NNMT: variants seen among roughly 807,000 people sequenced by gnomAD.
NNMT encodes nicotinamide N-methyltransferase.
NNMT carries 10 observed loss-of-function variants against 11.7 expected under a neutral mutation model. The observed-to-expected ratio is 0.85, with a 90% CI of 0.53 to 1.45. The LOEUF (loss-of-function observed/expected upper bound fraction) is 1.45. NNMT is among the 40% of genes most tolerant of loss of function. NNMT has a pLI of 0.00. For missense variants in NNMT, 381 were observed against 319.4 expected, an observed-to-expected ratio of 1.19 and a Z score of -1.47; for synonymous variants, 143 against 133.8, an observed-to-expected ratio of 1.07 and a Z score of -0.48.
intron 2 of NNMT, among the ~76,000 whole-genome samples, chr11:114,268,337 A>G (rs770036815): frequency 7.9e-5 from 12 of 152,166 alleles, no homozygotes; most frequent in Admixed American, 1.3e-4. Flanking sequence ...GAACATCTGT[A>G]CAGTCCTCCC....
intron 2 of NNMT, among the ~76,000 whole-genome samples, chr11:114,309,057 T>C (rs1445154234): frequency 6.6e-6 from 1 of 152,176 alleles, no homozygotes; most frequent in Admixed American, 6.5e-5. Context: ...TCTGTTGGAA[T>C]CAAACACACA....
intron 1 of NNMT, among the ~76,000 whole-genome samples, chr11:114,262,345 G>A (rs796354631): frequency 5.3e-5 from 8 of 152,152 alleles, no homozygotes; most frequent in African/African-American, 1.9e-4. Context: ...TCTTCCTCAT[G>A]CTCTCCCTTT....
At chr11:114,276,709 G>C (rs573192415) in intron 2 of NNMT, among the ~76,000 whole-genome samples, 5 of 152,294 alleles carry the variant, frequency 3.3e-5, no homozygotes, top group African/African-American at 9.6e-5. Context: ...AGCCCCCCAT[G>C]ATCTCCTAGT....
At chr11:114,271,031 C>A (rs1945165118) in intron 2 of NNMT, among the ~76,000 whole-genome samples, 1 of 152,148 alleles carries the variant, frequency 6.6e-6, no homozygotes, top group Admixed American at 6.5e-5. Context: ...CCTGCCTCAG[C>A]CTTCCAAAGT....
chr11:114,272,336 T>C (rs963318362), intron 2 of NNMT, among the ~76,000 whole-genome samples: 1 of 152,190 alleles, frequency 6.6e-6, no homozygotes, highest in Non-Finnish European at 1.5e-5. Context: ...CTCATCTCCT[T>C]CAACCTTGCA....
At chr11:114,300,403 T>C (rs1945426932) in intron 2 of NNMT, among the ~76,000 whole-genome samples, 1 of 152,216 alleles carries the variant, frequency 6.6e-6, no homozygotes, top group Non-Finnish European at 1.5e-5. Context: ...AATTAAATTT[T>C]GTTGTAGTCA....
chr11:114,258,865 C>T (rs189814009), intron 1 of NNMT, among the ~76,000 whole-genome samples: 9 of 151,632 alleles, frequency 5.9e-5, no homozygotes, highest in Middle Eastern at 3.4e-3. Flanking sequence ...AGCTCCATTC[C>T]CCTGTGGGCC....
rs146730104 is a variant in NNMT, at chr11:114,296,744, G to C, written c.154+34G>C. 8,757 of 1,609,964 alleles carry C rather than the reference G, an allele frequency of 5.4e-3. 104 individuals carry two copies. The highest frequency in any genetic ancestry group is 0.032 in the South Asian group (2,933 of 90,762). ...GTTGTCTGCATGTCTCCCCACTAAT[G>C]TGAGTCATATAGATGGAGTCTCAGG... On this transcript the variant is annotated intron_variant, in intron 1 of 2. Transcript: ENST00000299964.
Position 114,312,347 on chromosome 11 carries a change from A to C in NNMT, c.665A>C (p.Glu222Ala). Residue 222 changes from glutamate (E) to alanine (A), a missense_variant, in exon 3 of 3, where the codon GAG becomes GCG. By Grantham distance (107) the Glu-to-Ala change is moderately radical. Transcript: ENST00000299964. Reference protein sequence around the residue: ...SSLPLGREAVEAAVKEAGYTI... With the variant: ...SSLPLGREAVAAAVKEAGYTI... ...CTCCCCCTGGGCCGGGAGGCAGTAG[A>C]GGCTGCTGTGAAAGAGGCTGGCTAC... The C allele has an allele frequency of 6.2e-7, 1 of 1,614,232 alleles. No individual in the cohort carries two copies. The highest frequency in any genetic ancestry group is 8.5e-7 in the Non-Finnish European group (1 of 1,180,028).
intron 1 of NNMT, among the ~76,000 whole-genome samples, chr11:114,259,195 AAG>A (rs1313814625): frequency 6.6e-6 from 1 of 152,214 alleles, no homozygotes; most frequent in Non-Finnish European, 1.5e-5. Flanking sequence ...AGATGAAAGA[AAG>A]AGAGGGAGAA....
At chr11:114,292,111 AT>A (rs1159340137), upstream of NNMT, among the ~76,000 whole-genome samples, 2 of 151,826 alleles carry the variant, frequency 1.3e-5, no homozygotes, top group Non-Finnish European at 2.9e-5. Flanking sequence ...CCTCTGTTAC[AT>A]TTTGGATAAT....
intron 2 of NNMT, among the ~76,000 whole-genome samples, chr11:114,299,187 C>T (rs1945413717): frequency 6.6e-6 from 1 of 152,146 alleles, no homozygotes; most frequent in South Asian, 2.1e-4. Context: ...TGACAGCAGA[C>T]CTCTGTGCCT....
chr11:114,291,776 A>C (rs556945102), upstream of NNMT, among the ~76,000 whole-genome samples: 2 of 152,012 alleles, frequency 1.3e-5, no homozygotes, highest in East Asian at 3.9e-4. Context: ...GAGTTTCTGC[A>C]TTTGCCACCT....
At chr11:114,280,649 G>A (rs1374820570) in intron 2 of NNMT, among the ~76,000 whole-genome samples, 1 of 152,154 alleles carries the variant, frequency 6.6e-6, no homozygotes, top group Non-Finnish European at 1.5e-5. Flanking sequence ...GACAAGGCAG[G>A]TCATCCTGCT....
chr11:114,288,618 G>C (rs1047389328), intron 2 of NNMT, among the ~76,000 whole-genome samples: 1 of 152,126 alleles, frequency 6.6e-6, no homozygotes, highest in Non-Finnish European at 1.5e-5. Flanking sequence ...TAGATTGCCT[G>C]GGTCTAAAAC....
upstream of NNMT, among the ~76,000 whole-genome samples, chr11:114,292,429 G>A (rs907357672): frequency 6.6e-6 from 1 of 152,208 alleles, no homozygotes; most frequent in Admixed American, 6.5e-5. Context: ...GGAGTCTAGA[G>A]TGAGGTATTT....
chr11:114,312,359 A>C lies in NNMT; in HGVS notation c.677A>C (p.Lys226Thr). Reference protein sequence around the residue: ...LGREAVEAAVKEAGYTIEWFE... With the variant: ...LGREAVEAAVTEAGYTIEWFE... ...CGGGAGGCAGTAGAGGCTGCTGTGA[A>C]AGAGGCTGGCTACACAATCGAATGG... The change falls in exon 3 of 3, where the codon AAA becomes ACA. Residue 226 changes from lysine (K) to threonine (T), a missense_variant. Transcript: ENST00000299964. 3 of 1,614,244 alleles carry C rather than the reference A, an allele frequency of 1.9e-6. No homozygotes were observed. The highest frequency in any genetic ancestry group is 2.5e-6 in the Non-Finnish European group (3 of 1,180,036).
upstream of NNMT, among the ~76,000 whole-genome samples, chr11:114,293,291 C>T (rs140293637): frequency 4.7e-4 from 71 of 152,260 alleles, no homozygotes; most frequent in South Asian, 0.014. Flanking sequence ...AATTTGCCTG[C>T]CACATGCAAC....
At chr11:114,292,856 T>C (rs1320054201), upstream of NNMT, among the ~76,000 whole-genome samples, 1 of 152,166 alleles carries the variant, frequency 6.6e-6, no homozygotes, top group African/African-American at 2.4e-5. Flanking sequence ...ATATCACCAC[T>C]ATGTCTAAAA....
Sources: allele counts gnomAD v4.1 joint callset (sites outside exome capture counted in the v4.1 genomes callset), GRCh38; gene constraint gnomAD v4.1.1; transcripts MANE v1.5; gene names NCBI Gene and HGNC (gene_info 2026-07-23, HGNC 2026-07-21).